SUMF1: variants seen among roughly 807,000 people sequenced by gnomAD.
SUMF1 encodes the protein formylglycine-generating enzyme.
In SUMF1, 48 loss-of-function variants were observed where a neutral mutation model predicts 47.6. The observed-to-expected ratio is 1.01, with a 90% confidence interval of 0.80 to 1.28. The LOEUF (loss-of-function observed/expected upper bound fraction) is 1.28, where lower values mean the gene tolerates loss of function less well. Ranked by LOEUF, SUMF1 falls within the 50% of genes most tolerant of loss-of-function variation. The probability of loss-of-function intolerance (pLI) is 0.00; values close to 1 mark genes in which losing one functional copy is unlikely to be tolerated. For synonymous variants in SUMF1, 230 were observed against 192.1 expected, an observed-to-expected ratio of 1.20 and a Z score of -1.63; for missense variants, 571 against 485.4, an observed-to-expected ratio of 1.18 and a Z score of -1.66.
chr3:4,420,176 A>C lies in SUMF1; in HGVS notation c.520-30T>G, dbSNP rs200278848. On this transcript the variant is annotated intron_variant, in intron 3 of 8. Transcript: ENST00000272902. ...AAGCAACCCAGAACAGGCTGATGTT[A>C]GCTACTAACATCAACTCTAGAAAAA... is the stretch of plus-strand genomic sequence containing the variant. 186 of 1,561,860 alleles carry C rather than the reference A, an allele frequency of 1.2e-4. 1 individual carries two copies. The East Asian group carries it at 4.1e-3, about 35-fold the overall frequency.
intron 8 of SUMF1, among the ~76,000 whole-genome samples, chr3:4,299,595 G>T (rs1279602250): frequency 1.3e-5 from 2 of 152,202 alleles, no homozygotes; most frequent in African/African-American, 4.8e-5. Flanking sequence ...GATCACTTGA[G>T]GTCAGGAGTT....
chr3:4,364,052 A>C lies in SUMF1; in HGVS notation c.1015-1798T>G, dbSNP rs1393965481. ...TATTCATTTGCGTATATTGAACCAG[A>C]CTTGCATCCCAGGGATGAAGCCCAC... On this transcript the variant is annotated intron_variant, in intron 8 of 8. Transcript: ENST00000272902. Among the ~76,000 whole-genome samples the C allele has an allele frequency of 2.0e-4, 26 of 133,014 alleles. 1 individual carries two copies. Among genetic ancestry groups the C allele is most frequent in the Non-Finnish European group, 3.7e-4 (23 of 62,318 alleles). 87.3% of individuals were successfully genotyped at this position (133,014 alleles called of 152,430 possible). A position where few individuals can be genotyped will look rare whatever the true frequency, so the allele number is the denominator to read the frequency against.
chr3:4,168,572 T>C lies in SUMF1; in HGVS notation c.1015-99827A>G, dbSNP rs369230867. Among the ~76,000 whole-genome samples, 153 of 152,326 alleles carry C rather than the reference T, an allele frequency of 1.0e-3. 1 individual carries two copies. The South Asian group carries it at 0.013, about 13-fold the overall frequency. On this transcript the variant is annotated intron_variant and NMD_transcript_variant, in intron 8 of 12. Transcript: ENST00000448413. ...AGTGGTTAAAAACATGGGCTTCCTC[T>C]TCACTTACAGAATGTATACTTTTAT...
chr3:4,316,375 A>G, intron 8 of SUMF1: 2 of 1,552,048 alleles, frequency 1.3e-6, no homozygotes, highest in Non-Finnish European at 1.7e-6. Flanking sequence ...AAGTTTTGCA[A>G]AGGAGATGAG....
At chr3:4,373,526 G>C (rs1700231543) in intron 8 of SUMF1, among the ~76,000 whole-genome samples, 1 of 151,888 alleles carries the variant, frequency 6.6e-6, no homozygotes, top group Admixed American at 6.6e-5. Context: ...GCTGAGGCAG[G>C]ACAATTGCTT....
chr3:4,216,563 C>T (rs189167368), intron 8 of SUMF1, among the ~76,000 whole-genome samples: 292 of 152,174 alleles, frequency 1.9e-3, no homozygotes, highest in African/African-American at 6.9e-3. Context: ...AATTAAAGAG[C>T]TTCTGCACAG....
At chr3:4,036,075 G>A (rs1694787804) in intron 9 of SUMF1, among the ~76,000 whole-genome samples, 1 of 152,068 alleles carries the variant, frequency 6.6e-6, no homozygotes, top group Non-Finnish European at 1.5e-5. Flanking sequence ...TGCTATTAGT[G>A]TTTAAAAAAA....
At chr3:4,346,468 C>A (rs1575116014) in intron 8 of SUMF1, among the ~76,000 whole-genome samples, 2 of 152,120 alleles carry the variant, frequency 1.3e-5, no homozygotes, top group Non-Finnish European at 2.9e-5. Flanking sequence ...TCAGGAAGTT[C>A]TTTGAAACCA....
intron 8 of SUMF1, among the ~76,000 whole-genome samples, chr3:4,375,887 T>G (rs568299337): frequency 1.1e-3 from 166 of 152,296 alleles, no homozygotes; most frequent in Non-Finnish European, 2.1e-3. Context: ...GCACACTTTG[T>G]ACCTAGAACA....
chr3:4,187,123 A>C (rs1056577850), intron 8 of SUMF1, among the ~76,000 whole-genome samples: 4 of 152,286 alleles, frequency 2.6e-5, no homozygotes, highest in Non-Finnish European at 5.9e-5. Flanking sequence ...TAATCCCAGC[A>C]CTTTGAGAGG....
At chr3:4,331,223 TAA>T (rs35908176) in intron 8 of SUMF1, among the ~76,000 whole-genome samples, 401 of 146,444 alleles carry the variant, frequency 2.7e-3, no homozygotes, top group African/African-American at 5.2e-3. Context: ...TCCTTTAATT[TAA>T]AAAAAAAAAA....
At chr3:4,308,517 T>C (rs1698280931) in intron 8 of SUMF1, among the ~76,000 whole-genome samples, 2 of 152,226 alleles carry the variant, frequency 1.3e-5, no homozygotes, top group South Asian at 4.1e-4. Context: ...GTGCCTGACA[T>C]GGAGTACAGC....
chr3:4,409,345 A>G (rs1701469515), intron 7 of SUMF1, among the ~76,000 whole-genome samples: 1 of 152,218 alleles, frequency 6.6e-6, no homozygotes, highest in African/African-American at 2.4e-5. Context: ...TAAAATGAGA[A>G]CAATTTCATT....
At chr3:4,146,987 A>T (rs1320384385) in intron 8 of SUMF1, among the ~76,000 whole-genome samples, 1 of 152,002 alleles carries the variant, frequency 6.6e-6, no homozygotes. Context: ...AATACAAACA[A>T]CCCCATCAAA....
At chr3:4,437,275 CTAGAG>C (rs1297962346) in intron 3 of SUMF1, among the ~76,000 whole-genome samples, 4 of 152,066 alleles carry the variant, frequency 2.6e-5, no homozygotes, top group Non-Finnish European at 5.9e-5. Context: ...ATAACGATGA[CTAGAG>C]TAAGGTCATG....
chr3:4,285,248 A>G (rs954327001), intron 8 of SUMF1, among the ~76,000 whole-genome samples: 1 of 152,202 alleles, frequency 6.6e-6, no homozygotes, highest in Non-Finnish European at 1.5e-5. Flanking sequence ...TTTCGAAATT[A>G]CTAATAGCAA....
rs762920940 is a variant in SUMF1 at position 4,361,298 on chromosome 3, G to A, written c.*846C>T. ...CCTCGTTCCTTTTTCCCTATATCTA[G>A]AATTAAACAGGTTTCCCCGTTTAGC... On this transcript the variant is annotated 3_prime_UTR_variant, in exon 9 of 9. Coordinates refer to ENST00000272902, the MANE Select transcript of SUMF1 (RefSeq NM_182760.4). 6.6e-6 allele frequency: 1 copy of A among 152,550 alleles called. No individual in the cohort carries two copies. The highest frequency in any genetic ancestry group is 1.5e-5 in the Non-Finnish European group (1 of 68,052). The allele number at this position is 152,550 out of a possible 1,614,324, so 9.4% of individuals were successfully genotyped here.
chr3:4,076,815 T>C (rs1227202656), intron 8 of SUMF1, among the ~76,000 whole-genome samples: 4 of 151,948 alleles, frequency 2.6e-5, no homozygotes, highest in African/African-American at 9.7e-5. Flanking sequence ...CTGGCTAACA[T>C]GGTGAAACCC....
chr3:4,444,226 A>G (rs1223037718), intron 3 of SUMF1, among the ~76,000 whole-genome samples: 1 of 152,242 alleles, frequency 6.6e-6, no homozygotes, highest in African/African-American at 2.4e-5. Context: ...AGAAAAGTTG[A>G]CTTTAAAGTA....
Sources: allele counts gnomAD v4.1 joint callset (sites outside exome capture counted in the v4.1 genomes callset), GRCh38; gene constraint gnomAD v4.1.1; transcripts MANE v1.5; gene names NCBI Gene and HGNC (gene_info 2026-07-23, HGNC 2026-07-21).